STX8: variants seen among roughly 807,000 people sequenced by gnomAD.
The protein encoded by STX8 is syntaxin-8.
In STX8, 23 loss-of-function variants were observed where a neutral mutation model predicts 37.5. The observed-to-expected ratio is 0.61, with a 90% CI of 0.44 to 0.87. The LOEUF is 0.87. STX8 is among the 40% of genes least tolerant of loss of function. STX8 has a pLI of 0.00. For missense variants in STX8, 313 were observed against 284.7 expected (o/e 1.10, Z -0.71); for synonymous variants, 115 against 99.1 (o/e 1.16, Z -0.95).
intron 2 of STX8, among the ~76,000 whole-genome samples, chr17:9,558,503 T>TG (rs1376689495): frequency 6.6e-6 from 1 of 152,122 alleles, no homozygotes; most frequent in Non-Finnish European, 1.5e-5. Context: ...TACAATGTTG[T>TG]GGGGAAACAC....
At chr17:9,510,769 G>C (rs1404552707) in intron 4 of STX8, among the ~76,000 whole-genome samples, 1 of 151,904 alleles carries the variant, frequency 6.6e-6, no homozygotes, top group Non-Finnish European at 1.5e-5. Flanking sequence ...ATAAAGATCA[G>C]AGGAGAAATA....
At chr17:9,390,250 A>C (rs74966370) in intron 6 of STX8, among the ~76,000 whole-genome samples, 22,492 of 152,140 alleles carry the variant, frequency 0.15, 2,004 homozygotes, top group South Asian at 0.23. Flanking sequence ...GTCTGGACGC[A>C]GTGGCTCAGG....
chr17:9,542,618 A>G (rs1261470889), intron 4 of STX8, among the ~76,000 whole-genome samples: 1 of 152,088 alleles, frequency 6.6e-6, no homozygotes, highest in Non-Finnish European at 1.5e-5. Context: ...CGGAGCTTGC[A>G]GTGAGCCAAG....
At chr17:9,361,505 G>A (rs562036267) in intron 7 of STX8, among the ~76,000 whole-genome samples, 3 of 152,296 alleles carry the variant, frequency 2.0e-5, no homozygotes, top group Admixed American at 2.0e-4. Context: ...TATGCTCCAG[G>A]GTGAAGAGCA....
intron 6 of STX8, among the ~76,000 whole-genome samples, chr17:9,443,724 C>T (rs1040933384): frequency 6.6e-6 from 1 of 152,160 alleles, no homozygotes; most frequent in South Asian, 2.1e-4. Context: ...GGGTCTGGAA[C>T]CCCTACTCTT....
At chr17:9,401,034 G>T (rs1229515368) in intron 6 of STX8, among the ~76,000 whole-genome samples, 1 of 152,132 alleles carries the variant, frequency 6.6e-6, no homozygotes, top group Non-Finnish European at 1.5e-5. Flanking sequence ...TTCAAATCCA[G>T]ATCTTAGGAT....
chr17:9,312,348 T>C (rs1366542787), intron 7 of STX8, among the ~76,000 whole-genome samples: 1 of 151,990 alleles, frequency 6.6e-6, no homozygotes, highest in Non-Finnish European at 1.5e-5. Context: ...ATTACAGGCA[T>C]GCGCCACCAC....
chr17:9,282,295 G>A (rs999972152), intron 7 of STX8, among the ~76,000 whole-genome samples: 11 of 152,230 alleles, frequency 7.2e-5, no homozygotes, highest in African/African-American at 2.6e-4. Flanking sequence ...ATCATGCCCA[G>A]CTAATTTTTT....
At chr17:9,268,326 T>C (rs1290685746) in intron 7 of STX8, among the ~76,000 whole-genome samples, 1 of 150,618 alleles carries the variant, frequency 6.6e-6, no homozygotes, top group Non-Finnish European at 1.5e-5. Flanking sequence ...TCAAAGTTGC[T>C]CTACACTGGA....
intron 2 of STX8, among the ~76,000 whole-genome samples, chr17:9,559,262 G>C (rs1006840056): frequency 6.6e-6 from 1 of 152,090 alleles, no homozygotes; most frequent in Admixed American, 6.6e-5. Context: ...CATAACCTGG[G>C]TAACAAGCAC....
chr17:9,560,208 G>T (rs1907169713), intron 2 of STX8, among the ~76,000 whole-genome samples: 1 of 150,832 alleles, frequency 6.6e-6, no homozygotes, highest in African/African-American at 2.4e-5. Context: ...AACCAGCCTG[G>T]CCAACATGGT....
intron 6 of STX8, among the ~76,000 whole-genome samples, chr17:9,430,672 CAG>C (rs1913927948): frequency 7.8e-6 from 1 of 128,898 alleles, no homozygotes; most frequent in Non-Finnish European, 1.6e-5. Flanking sequence ...TTTTTTGAGA[CAG>C]AGTCTCGCTC....
In STX8 at chr17:9,430,884, C is replaced by T. The variant is rs373563189; in HGVS notation, c.542-52231G>A. 6.6e-5 allele frequency among the ~76,000 whole-genome samples: 10 copies of T among 152,240 alleles called. No individual in the cohort carries two copies. In the East Asian group the frequency reaches 1.5e-3, roughly 24 times the overall value. On this transcript the variant is annotated intron_variant, in intron 6 of 7. Transcript: ENST00000306357. ...CAGGATGGTCTCAATCTCCTGACCT[C>T]GTGATCCACCCGCCTCGGCCTCCCA...
chr17:9,535,891 A>G (rs1019478327), intron 4 of STX8, among the ~76,000 whole-genome samples: 1 of 152,264 alleles, frequency 6.6e-6, no homozygotes, highest in African/African-American at 2.4e-5. Context: ...AAATATTATA[A>G]GGCTACAAAA....
chr17:9,404,580 G>T (rs374548331), intron 6 of STX8, among the ~76,000 whole-genome samples: 176 of 151,968 alleles, frequency 1.2e-3, no homozygotes, highest in African/African-American at 4.0e-3. Flanking sequence ...TCAGCCTCCC[G>T]AGTGGCTGGG....
chr17:9,480,170 G>A (rs1240915386), intron 6 of STX8, among the ~76,000 whole-genome samples: 2 of 152,100 alleles, frequency 1.3e-5, no homozygotes, highest in Admixed American at 6.6e-5. Flanking sequence ...CTGCCTCCCT[G>A]ATGAGAACAA....
At chr17:9,418,790 G>A (rs1913298618) in intron 6 of STX8, among the ~76,000 whole-genome samples, 1 of 114,976 alleles carries the variant, frequency 8.7e-6, no homozygotes, top group African/African-American at 3.2e-5. Context: ...TCACGCCACT[G>A]CACTCTAGCC....
chr17:9,315,368 G>A (rs532277651), intron 7 of STX8, among the ~76,000 whole-genome samples: 3 of 151,884 alleles, frequency 2.0e-5, no homozygotes, highest in African/African-American at 7.2e-5. Flanking sequence ...ATTCCCTCCT[G>A]GTAAGAGACC....
intron 4 of STX8, among the ~76,000 whole-genome samples, chr17:9,528,825 A>AT (rs1309320413): frequency 6.6e-6 from 1 of 152,198 alleles, no homozygotes; most frequent in Non-Finnish European, 1.5e-5. Flanking sequence ...AGAATAGGAG[A>AT]TAAAAACTAA....
Sources: allele counts gnomAD v4.1 joint callset (sites outside exome capture counted in the v4.1 genomes callset), GRCh38; gene constraint gnomAD v4.1.1; transcripts MANE v1.5; gene names NCBI Gene and HGNC (gene_info 2026-07-23, HGNC 2026-07-21).